Variants in NAV1 observed in about 807,000 individuals in gnomAD.
NAV1 encodes the protein neuron navigator 1.
NAV1 carries 18 observed loss-of-function variants against 175.2 expected under a neutral mutation model. The ratio of observed to expected loss-of-function variants is 0.10; its 90% CI spans 0.07 to 0.15. The LOEUF is 0.15. Ranked by LOEUF, NAV1 falls within the 10% of genes least tolerant of loss-of-function variation. The pLI, the probability that NAV1 is intolerant of heterozygous loss-of-function variation, is 1.00. For synonymous variants in NAV1, 897 were observed against 978.7 expected (o/e 0.92, Z 1.56); for missense variants, 1,731 against 2,436.6 (o/e 0.71, Z 6.10).
Position 201,808,197 on chromosome 1 carries a change from C to T in NAV1, c.3845+48C>T. ...CCACCCAGCCTGTTACCAGTGTAAG[C>T]TGTGGGCTAGAGTTGACAGGAGGCC... On this transcript the variant is annotated intron_variant, in intron 18 of 29. Transcript: ENST00000367296. This position sits in a 1 kb window ranked among gnomAD's most constrained non-coding sequence, Gnocchi z 5.5. 1 of 1,600,270 alleles carries T rather than the reference C, an allele frequency of 6.2e-7. No individual in the cohort carries two copies. Among genetic ancestry groups the T allele is most frequent in the South Asian group, 1.1e-5 (1 of 90,144 alleles).
intron 1 of NAV1, among the ~76,000 whole-genome samples, chr1:201,667,819 G>C (rs1176832524): frequency 6.6e-6 from 1 of 152,208 alleles, no homozygotes; most frequent in Non-Finnish European, 1.5e-5. Context: ...AACCTGAGGG[G>C]TGGTCAGAGC....
intron 1 of NAV1, among the ~76,000 whole-genome samples, chr1:201,566,992 A>G (rs17469355): frequency 0.04 from 6,115 of 152,212 alleles, 138 homozygotes; most frequent in South Asian, 0.11. Flanking sequence ...CTCCTCACTT[A>G]TAATCCCCAA....
chr1:201,688,988 G>A (rs1670790201), intron 1 of NAV1, among the ~76,000 whole-genome samples: 2 of 152,158 alleles, frequency 1.3e-5, no homozygotes, highest in Non-Finnish European at 2.9e-5. Flanking sequence ...GGAAACATGG[G>A]GAGACTTGAG....
At chr1:201,773,644 G>A (rs1280932796) in intron 3 of NAV1, among the ~76,000 whole-genome samples, 2 of 152,140 alleles carry the variant, frequency 1.3e-5, no homozygotes, top group Non-Finnish European at 2.9e-5. Context: ...AGGAGTTGAA[G>A]ACATACCTAA....
At chr1:201,691,412 T>G (rs1670936760) in intron 1 of NAV1, among the ~76,000 whole-genome samples, 1 of 152,218 alleles carries the variant, frequency 6.6e-6, no homozygotes, top group Non-Finnish European at 1.5e-5. Context: ...GCAGACTTTT[T>G]TATTTTGTTT....
At chr1:201,576,833 G>A (rs549717306) in intron 1 of NAV1, among the ~76,000 whole-genome samples, 1 of 152,276 alleles carries the variant, frequency 6.6e-6, no homozygotes, top group African/African-American at 2.4e-5. Context: ...ATTCTAATAT[G>A]TATGTAGTAA....
chr1:201,769,621 G>A (rs1675436356), intron 3 of NAV1, among the ~76,000 whole-genome samples: 2 of 152,090 alleles, frequency 1.3e-5, no homozygotes, highest in African/African-American at 4.8e-5. Flanking sequence ...GCTTCCTGCT[G>A]TCTTGGAACC....
rs373245425 is a variant in NAV1, at chr1:201,613,811, A to C, written c.-32-9042A>C. 9.9e-5 allele frequency among the ~76,000 whole-genome samples: 15 copies of C among 152,266 alleles called. 1 individual carries two copies. The highest frequency in any genetic ancestry group is 3.6e-4 in the African/African-American group (15 of 41,552). ...TGGGAGGCAGAGGTTGCAGTGAGCC[A>C]AGATCACGCCACTGCACTCCAGCCT... On this transcript the variant is annotated intron_variant, in intron 2 of 33. Transcript: ENST00000685211.
chr1:201,639,096 A>G (rs1327409879), intron 2 of NAV1, among the ~76,000 whole-genome samples: 4 of 152,216 alleles, frequency 2.6e-5, no homozygotes, highest in South Asian at 2.1e-4. Flanking sequence ...ATTTGAATTC[A>G]TATAACAGAA....
intron 1 of NAV1, among the ~76,000 whole-genome samples, chr1:201,563,424 C>G (rs750938395): frequency 2.6e-5 from 4 of 151,776 alleles, no homozygotes; most frequent in Admixed American, 2.6e-4. Context: ...GAAAAGCATA[C>G]GAGACCACAA....
intron 1 of NAV1, among the ~76,000 whole-genome samples, chr1:201,581,060 A>T (rs76449334): frequency 6.6e-6 from 1 of 152,336 alleles, no homozygotes; most frequent in East Asian, 1.9e-4. Context: ...AAAGGAAGAC[A>T]AAACAGGAGA....
chr1:201,585,435 G>GAC lies in NAV1; in HGVS notation c.-143-3088_-143-3087dup, dbSNP rs147225809. 1.6e-3 allele frequency among the ~76,000 whole-genome samples: 237 copies of GAC among 150,966 alleles called. 2 individuals are homozygous for GAC. In the South Asian group the frequency reaches 0.017, roughly 11 times the overall value. ...GGCTCTGAGAAGCTCTTCATTCACA[G>GAC]ACACACACACACACACAAATAGACA... On this transcript the variant is annotated intron_variant, in intron 1 of 33. Coordinates refer to the NAV1 transcript ENST00000685211.
chr1:201,699,852 G>T (rs900067761), intron 1 of NAV1, among the ~76,000 whole-genome samples: 8 of 152,188 alleles, frequency 5.3e-5, no homozygotes, highest in Non-Finnish European at 1.2e-4. Context: ...AGGATTCCCT[G>T]TGTAATAAAT....
At chr1:201,659,006 A>G (rs1669509348) in intron 1 of NAV1, among the ~76,000 whole-genome samples, 1 of 152,166 alleles carries the variant, frequency 6.6e-6, no homozygotes, top group South Asian at 2.1e-4. Context: ...GGAATTGATT[A>G]GGCCCTACTG....
At chr1:201,713,353 C>T (rs1671992251) in intron 2 of NAV1, among the ~76,000 whole-genome samples, 1 of 152,228 alleles carries the variant, frequency 6.6e-6, no homozygotes, top group Non-Finnish European at 1.5e-5. Flanking sequence ...TGGGTCTTTT[C>T]ACTCTTGTGT....
At chr1:201,761,999 A>G (rs559189033) in intron 3 of NAV1, among the ~76,000 whole-genome samples, 1 of 138,078 alleles carries the variant, frequency 7.2e-6, no homozygotes, top group African/African-American at 3.1e-5. Context: ...CAAAAAAATT[A>G]AAAAAAAAAA....
intron 1 of NAV1, among the ~76,000 whole-genome samples, chr1:201,682,104 A>T (rs1448430157): frequency 7.5e-6 from 1 of 132,954 alleles, no homozygotes; most frequent in Non-Finnish European, 1.5e-5. Context: ...TGACAGAGTG[A>T]GACTCCATCT....
At chr1:201,763,269 C>T (rs1016400880) in intron 3 of NAV1, among the ~76,000 whole-genome samples, 4 of 152,284 alleles carry the variant, frequency 2.6e-5, no homozygotes, top group African/African-American at 7.2e-5. Flanking sequence ...ACTAACTCAA[C>T]TGTAGTAATA....
intron 1 of NAV1, among the ~76,000 whole-genome samples, chr1:201,582,389 C>G (rs181379707): frequency 6.6e-5 from 10 of 152,202 alleles, no homozygotes; most frequent in African/African-American, 2.2e-4. Context: ...CACACAGGAC[C>G]AGTATGGGAA....
Sources: allele counts gnomAD v4.1 joint callset (sites outside exome capture counted in the v4.1 genomes callset), GRCh38; gene constraint gnomAD v4.1.1; non-coding constraint Gnocchi (gnomAD v3.1); transcripts MANE v1.5; gene names NCBI Gene and HGNC (gene_info 2026-07-23, HGNC 2026-07-21).